Variants in APP observed in about 807,000 individuals in gnomAD.
APP encodes amyloid-beta precursor protein.
APP carries 31 observed loss-of-function variants against 101.4 expected under a neutral mutation model. That is an observed-to-expected ratio of 0.31 (90% CI 0.23 to 0.41). APP has a LOEUF of 0.41. APP is among the 10% of genes least tolerant of loss of function. APP has a pLI of 1.00. For synonymous variants in APP, 366 were observed against 364.4 expected (o/e 1.00, Z -0.05); for missense variants, 839 against 1,003.7 (o/e 0.84, Z 2.22).
chr21:26,085,164 T>C (rs1046626072), intron 3 of APP, among the ~76,000 whole-genome samples: 1 of 152,218 alleles, frequency 6.6e-6, no homozygotes, highest in South Asian at 2.1e-4. Context: ...TTCTGAAGCA[T>C]GATTAACGTT....
intron 17 of APP, among the ~76,000 whole-genome samples, chr21:25,889,014 G>T (rs1414178706): frequency 6.6e-6 from 1 of 152,150 alleles, no homozygotes; most frequent in Non-Finnish European, 1.5e-5. Flanking sequence ...TAGGTCTGAG[G>T]TAGGACCTGG....
chr21:26,089,195 C>G (rs1009209008), intron 3 of APP, among the ~76,000 whole-genome samples: 1 of 152,070 alleles, frequency 6.6e-6, no homozygotes. Flanking sequence ...TGTAAGATAC[C>G]AGAGCAAAGA....
At position 25,911,981 on chromosome 21, in the gene APP, T is replaced by C. The variant is rs1456847644; in HGVS notation, c.1688-19A>G. Reference sequence around the variant, plus strand: ...AGCTCATCTAAACCAAACAAAACCATCTCTTTGGTGAGTAACAACAATCAC... The same window carrying C: ...AGCTCATCTAAACCAAACAAAACCACCTCTTTGGTGAGTAACAACAATCAC... On this transcript the variant is annotated intron_variant, in intron 13 of 17. Coordinates refer to ENST00000346798, the MANE Select transcript of APP (RefSeq NM_000484.4). 7 of 1,591,900 alleles carry C rather than the reference T, an allele frequency of 4.4e-6. No individual in the cohort carries two copies. Among genetic ancestry groups the C allele is most frequent in the Admixed American group, 1.7e-5 (1 of 59,904 alleles).
intron 2 of APP, among the ~76,000 whole-genome samples, chr21:26,102,871 T>C (rs927284874): frequency 8.3e-6 from 1 of 120,220 alleles, no homozygotes; most frequent in African/African-American, 3.3e-5. Context: ...GCCTGGTTGA[T>C]GGAGTGGGAC....
intron 3 of APP, among the ~76,000 whole-genome samples, chr21:26,082,451 ACATT>A (rs1329576506): frequency 6.6e-6 from 1 of 152,200 alleles, no homozygotes; most frequent in Non-Finnish European, 1.5e-5. Context: ...AAAGCAATAT[ACATT>A]CATTACCATC....
chr21:25,982,273 G>A, intron 9 of APP, 71 bp downstream of exon 9: 2 of 1,499,612 alleles, frequency 1.3e-6, no homozygotes, highest in Non-Finnish European at 1.9e-6. Flanking sequence ...AGGCCTGTGG[G>A]GAGACTGAGG....
chr21:25,991,223 C>T (rs1246750306), intron 8 of APP, among the ~76,000 whole-genome samples: 1 of 492 alleles, frequency 2.0e-3, no homozygotes, highest in Non-Finnish European at 5.4e-3. Context: ...ATGTACACTA[C>T]TCAGTGAAAT....
chr21:26,157,390 T>C (rs1006982409), intron 1 of APP, among the ~76,000 whole-genome samples: 2 of 152,096 alleles, frequency 1.3e-5, no homozygotes, highest in African/African-American at 4.8e-5. Context: ...CTCTTAAAAC[T>C]GCGGGATCAA....
At chr21:26,159,106 G>A (rs896459564) in intron 1 of APP, among the ~76,000 whole-genome samples, 17 of 150,812 alleles carry the variant, frequency 1.1e-4, no homozygotes, top group South Asian at 4.2e-4. Context: ...TTTTTGAGAC[G>A]GAGTCTCGCT....
intron 1 of APP, among the ~76,000 whole-genome samples, chr21:26,156,295 T>C (rs1312272271): frequency 1.3e-5 from 2 of 152,220 alleles, no homozygotes; most frequent in African/African-American, 2.4e-5. Context: ...TTGCAACTAA[T>C]TTTTGCAATC....
intron 9 of APP, among the ~76,000 whole-genome samples, chr21:25,980,487 A>G (rs1342874390): frequency 2.0e-5 from 3 of 152,164 alleles, no homozygotes; most frequent in East Asian, 1.9e-4. Context: ...TGAAAACTTA[A>G]TAATTCCCTG....
chr21:25,994,847 A>G (rs543171303), intron 8 of APP, among the ~76,000 whole-genome samples: 31 of 152,344 alleles, frequency 2.0e-4, no homozygotes, highest in African/African-American at 6.0e-4. Flanking sequence ...TTTGCTATAA[A>G]TAAGACCACA....
intron 8 of APP, among the ~76,000 whole-genome samples, chr21:25,990,736 TCC>T: frequency 6.6e-6 from 1 of 152,140 alleles, no homozygotes; most frequent in South Asian, 2.1e-4. Context: ...CTTCTATATT[TCC>T]TTTATATGGT....
chr21:25,979,975 A>T (rs531302400), intron 9 of APP, among the ~76,000 whole-genome samples: 1 of 152,356 alleles, frequency 6.6e-6, no homozygotes, highest in East Asian at 1.9e-4. Flanking sequence ...AGGTAAGAGC[A>T]ATGACTGCCT....
chr21:25,970,266 T>G (rs2041980421), intron 11 of APP, among the ~76,000 whole-genome samples: 1 of 152,214 alleles, frequency 6.6e-6, no homozygotes, highest in Non-Finnish European at 1.5e-5. Flanking sequence ...GCAAACATTC[T>G]TGCCACTGCC....
chr21:25,892,278 A>T (rs575915798), intron 16 of APP, among the ~76,000 whole-genome samples: 1 of 152,226 alleles, frequency 6.6e-6, no homozygotes, highest in African/African-American at 2.4e-5. Flanking sequence ...GATCATACTA[A>T]TGAAAGGAGG....
chr21:26,082,121 A>T (rs1286323947), intron 3 of APP, among the ~76,000 whole-genome samples: 1 of 152,176 alleles, frequency 6.6e-6, no homozygotes, highest in African/African-American at 2.4e-5. Context: ...CAGGAGGCCG[A>T]GGCAGGAGAA....
At chr21:26,133,823 T>C (rs2062842828) in intron 1 of APP, among the ~76,000 whole-genome samples, 1 of 152,110 alleles carries the variant, frequency 6.6e-6, no homozygotes, top group South Asian at 2.1e-4. Flanking sequence ...TCCCTGTCCG[T>C]ATCAAACCAA....
intron 5 of APP, among the ~76,000 whole-genome samples, chr21:26,032,794 GA>G (rs67118069): frequency 0.2 from 26,976 of 137,480 alleles, 2,517 homozygotes; most frequent in South Asian, 0.24. Context: ...TATTATTTTA[GA>G]AAAAAAAAAA....
Sources: allele counts gnomAD v4.1 joint callset (sites outside exome capture counted in the v4.1 genomes callset), GRCh38; gene constraint gnomAD v4.1.1; transcripts MANE v1.5; gene names NCBI Gene and HGNC (gene_info 2026-07-23, HGNC 2026-07-21).